Variants in ANO4 observed in about 807,000 individuals in gnomAD.
ANO4 encodes the protein anoctamin 4, also known as anoctamin-4.
A neutral mutation model predicts 141.9 loss-of-function variants in ANO4; 69 were observed. The ratio of observed to expected loss-of-function variants is 0.49; its 90% CI spans 0.40 to 0.59. ANO4 has a LOEUF of 0.59. Ranked by LOEUF, ANO4 falls within the 20% of genes least tolerant of loss-of-function variation. The pLI is 0.00. For synonymous variants in ANO4, 350 were observed against 394.3 expected (o/e 0.89, Z 1.33); for missense variants, 894 against 1,162.2 (o/e 0.77, Z 3.36).
chr12:100,860,832 A>AT (rs1354217674), intron 1 of ANO4, among the ~76,000 whole-genome samples: 4 of 152,194 alleles, frequency 2.6e-5, no homozygotes, highest in African/African-American at 9.6e-5. Flanking sequence ...TTGTTAAGTG[A>AT]TTTTATCATT....
At chr12:101,095,598 TCCCTTC>T (rs754005887) in intron 18 of ANO4, among the ~76,000 whole-genome samples, 41 of 152,200 alleles carry the variant, frequency 2.7e-4, no homozygotes, top group Non-Finnish European at 4.7e-4. Context: ...ACTTTCATTC[TCCCTTC>T]CCTTCTCAGA....
chr12:100,942,181 A>C (rs2042549481), intron 4 of ANO4, among the ~76,000 whole-genome samples, 196 bp from the exon 5 acceptor site: 1 of 152,048 alleles, frequency 6.6e-6, no homozygotes, highest in Admixed American at 6.6e-5. Flanking sequence ...AGGTTTCACC[A>C]TATTGGCCAG....
At chr12:100,735,824 C>T (rs926222063) in intron 2 of ANO4, among the ~76,000 whole-genome samples, 4 of 152,082 alleles carry the variant, frequency 2.6e-5, no homozygotes, top group Non-Finnish European at 5.9e-5. Flanking sequence ...AGACTTCTCA[C>T]GTCAGAATGC....
chr12:100,993,812 C>T (rs572085931), intron 8 of ANO4, among the ~76,000 whole-genome samples: 9 of 152,226 alleles, frequency 5.9e-5, no homozygotes, highest in African/African-American at 2.2e-4. Context: ...AACTAGTCTA[C>T]CTGTGTGCCC....
chr12:101,077,837 G>A (rs973678012), intron 14 of ANO4, among the ~76,000 whole-genome samples: 3 of 152,168 alleles, frequency 2.0e-5, no homozygotes, highest in Non-Finnish European at 4.4e-5. Flanking sequence ...AATTTTTAGA[G>A]CATTTTGAAT....
At chr12:100,926,487 T>A (rs2041875173) in intron 3 of ANO4, among the ~76,000 whole-genome samples, 1 of 152,118 alleles carries the variant, frequency 6.6e-6, no homozygotes, top group Non-Finnish European at 1.5e-5. Flanking sequence ...AAAGTCTAAT[T>A]CAGGAAAAAT....
At chr12:100,787,228 T>TG (rs61392239) in intron 3 of ANO4, among the ~76,000 whole-genome samples, 62,536 of 151,950 alleles carry the variant, frequency 0.41, 13,439 homozygotes, top group Middle Eastern at 0.53. Flanking sequence ...GCAGATGGAC[T>TG]GTCAAGGAAT....
At chr12:100,761,832 T>G (rs1399841916) in intron 3 of ANO4, among the ~76,000 whole-genome samples, 1 of 152,182 alleles carries the variant, frequency 6.6e-6, no homozygotes, top group Admixed American at 6.5e-5. Context: ...TGCACAATTC[T>G]AGTCTTCTTT....
At chr12:101,078,136 A>AT (rs950682761) in intron 14 of ANO4, among the ~76,000 whole-genome samples, 1 of 152,156 alleles carries the variant, frequency 6.6e-6, no homozygotes, top group African/African-American at 2.4e-5. Context: ...AAGTAATTAT[A>AT]TTTTTTTGAC....
chr12:101,111,010 G>A (rs1303610248), intron 23 of ANO4, among the ~76,000 whole-genome samples: 1 of 152,218 alleles, frequency 6.6e-6, no homozygotes, highest in East Asian at 1.9e-4. Context: ...TCGCATGAGA[G>A]CTGCCTGAGA....
At chr12:101,059,090 G>A (rs538823018) in intron 14 of ANO4, among the ~76,000 whole-genome samples, 4 of 152,128 alleles carry the variant, frequency 2.6e-5, no homozygotes, top group East Asian at 3.9e-4. Context: ...GAATTTTATC[G>A]AAGGCCTTTT....
intron 3 of ANO4, among the ~76,000 whole-genome samples, chr12:100,928,567 CAT>C (rs1296541352): frequency 6.6e-6 from 1 of 152,160 alleles, no homozygotes; most frequent in Admixed American, 6.6e-5. Context: ...ATCCAGAGCT[CAT>C]GCTCTTTCCA....
At chr12:100,954,444 T>C (rs2043100055) in intron 5 of ANO4, among the ~76,000 whole-genome samples, 1 of 152,120 alleles carries the variant, frequency 6.6e-6, no homozygotes, top group Non-Finnish European at 1.5e-5. Context: ...AGAAACAGCC[T>C]CTCCTTTCCC....
At chr12:100,949,291 T>C (rs1313658512) in intron 5 of ANO4, among the ~76,000 whole-genome samples, 2 of 152,222 alleles carry the variant, frequency 1.3e-5, no homozygotes, top group Admixed American at 6.5e-5. Flanking sequence ...TCCAAGCCTA[T>C]AGTAATTTAT....
intron 3 of ANO4, among the ~76,000 whole-genome samples, chr12:100,779,270 T>C (rs2033636965): frequency 6.6e-6 from 1 of 152,186 alleles, no homozygotes; most frequent in South Asian, 2.1e-4. Context: ...GAAATCTCTT[T>C]AGTGACAACC....
intron 1 of ANO4, among the ~76,000 whole-genome samples, chr12:100,871,747 A>C (rs1398362888): frequency 6.6e-6 from 1 of 152,144 alleles, no homozygotes; most frequent in African/African-American, 2.4e-5. Flanking sequence ...CTGCATTCTC[A>C]CATGGTGCAA....
chr12:100,748,605 T>G (rs1238770880), intron 3 of ANO4, among the ~76,000 whole-genome samples: 1 of 152,230 alleles, frequency 6.6e-6, no homozygotes, highest in Non-Finnish European at 1.5e-5. Context: ...TTGGGTCTAG[T>G]GTTTTTATCC....
At chr12:100,944,806 C>A (rs1193390466) in intron 5 of ANO4, among the ~76,000 whole-genome samples, 3 of 152,094 alleles carry the variant, frequency 2.0e-5, no homozygotes, top group East Asian at 3.9e-4. Flanking sequence ...AAGAAAATAT[C>A]CCTTGGCTGA....
chr12:100,851,835 C>T (rs772687001), intron 1 of ANO4, among the ~76,000 whole-genome samples: 4 of 152,022 alleles, frequency 2.6e-5, no homozygotes, highest in Non-Finnish European at 5.9e-5. Flanking sequence ...GTACCTGATG[C>T]TCCAAGCAGA....
Sources: allele counts gnomAD v4.1 joint callset (sites outside exome capture counted in the v4.1 genomes callset), GRCh38; gene constraint gnomAD v4.1.1; transcripts MANE v1.5; gene names NCBI Gene and HGNC (gene_info 2026-07-23, HGNC 2026-07-21).